The following SLC24A3 variants were observed in gnomAD, a reference collection of about 807,000 sequenced individuals.
SLC24A3 encodes the protein sodium/potassium/calcium exchanger 3.
In SLC24A3, 28 loss-of-function variants were observed where a neutral mutation model predicts 75.8. The ratio of observed to expected loss-of-function variants is 0.37; its 90% confidence interval spans 0.27 to 0.51. SLC24A3 has a LOEUF of 0.51. Ranked by LOEUF, SLC24A3 falls within the 20% of genes least tolerant of loss-of-function variation. SLC24A3 has a pLI of 0.94. For synonymous variants in SLC24A3, 372 were observed against 334.1 expected (o/e 1.11, Z -1.24); for missense variants, 663 against 847.8 (o/e 0.78, Z 2.71).
At chr20:19,418,600 A>C (rs760373993) in intron 2 of SLC24A3, among the ~76,000 whole-genome samples, 3 of 151,946 alleles carry the variant, frequency 2.0e-5, no homozygotes, top group African/African-American at 7.2e-5. Context: ...GAAAATATCC[A>C]GCTCATAAAT....
chr20:19,228,780 G>A (rs1039437966), intron 1 of SLC24A3, among the ~76,000 whole-genome samples: 30 of 152,034 alleles, frequency 2.0e-4, no homozygotes, highest in African/African-American at 7.2e-4. Context: ...TCTTACAAAG[G>A]CATGACATAT....
chr20:19,709,471 A>G (rs554606312), intron 15 of SLC24A3, among the ~76,000 whole-genome samples: 47 of 152,004 alleles, frequency 3.1e-4, no homozygotes, highest in African/African-American at 1.1e-3. Flanking sequence ...AAAACACAAA[A>G]ATTAGCCGAG....
At chr20:19,634,485 TTAA>T (rs1354097706) in intron 6 of SLC24A3, among the ~76,000 whole-genome samples, 2 of 152,234 alleles carry the variant, frequency 1.3e-5, no homozygotes, top group East Asian at 3.9e-4. Flanking sequence ...CATATCAGTT[TTAA>T]TAATAATAAT....
rs1181068793 is a variant in SLC24A3 at position 19,671,640 on chromosome 20, TTTTTTTG to T, written c.714-1954_714-1948del. On this transcript the variant is annotated intron_variant, in intron 8 of 16. Coordinates refer to ENST00000328041, the MANE Select transcript of SLC24A3 (RefSeq NM_020689.4). ...AAAGGACAAAGCCCAGGGTTGGTTTTTTTTTTGTTTTTTTGTTTTTTTGTTTTTTTGT... is the reference window on the plus strand; with the variant it reads ...AAAGGACAAAGCCCAGGGTTGGTTTTTTTTTTTGTTTTTTTGTTTTTTTGT... Among the ~76,000 whole-genome samples the T allele has an allele frequency of 2.4e-3, 246 of 103,678 alleles. 1 individual carries two copies. The highest frequency in any genetic ancestry group is 8.0e-3 in the African/African-American group (201 of 24,990). 68.0% of individuals were successfully genotyped at this position (103,678 alleles called of 152,430 possible). A position where few individuals can be genotyped will look rare whatever the true frequency, so the allele number is the denominator to read the frequency against.
intron 6 of SLC24A3, among the ~76,000 whole-genome samples, chr20:19,628,500 C>T (rs528584149): frequency 6.6e-6 from 1 of 152,260 alleles, no homozygotes; most frequent in East Asian, 1.9e-4. Flanking sequence ...GACTTACCTA[C>T]TATATCCCAT....
intron 1 of SLC24A3, among the ~76,000 whole-genome samples, chr20:19,219,117 G>A (rs1013269955): frequency 5.9e-5 from 9 of 152,150 alleles, no homozygotes; most frequent in African/African-American, 2.2e-4. Context: ...GACCCAAATG[G>A]AAGAAGGTTT....
intron 2 of SLC24A3, among the ~76,000 whole-genome samples, chr20:19,292,026 G>A (rs1983954383): frequency 1.3e-5 from 2 of 152,208 alleles, no homozygotes; most frequent in Non-Finnish European, 2.9e-5. Flanking sequence ...GTAATTGTAG[G>A]TACTTCTGAG....
intron 2 of SLC24A3, among the ~76,000 whole-genome samples, chr20:19,488,445 C>G (rs1988159701): frequency 6.6e-6 from 1 of 152,154 alleles, no homozygotes; most frequent in Non-Finnish European, 1.5e-5. Context: ...TTCTGTTCTC[C>G]CTCAGACCAA....
intron 2 of SLC24A3, among the ~76,000 whole-genome samples, chr20:19,360,042 C>T (rs1985758047): frequency 6.6e-6 from 1 of 152,140 alleles, no homozygotes. Context: ...CAGAGAACAT[C>T]CTCAGGCAGA....
chr20:19,635,775 A>G (rs2031992883), intron 6 of SLC24A3, among the ~76,000 whole-genome samples: 1 of 152,146 alleles, frequency 6.6e-6, no homozygotes, highest in African/African-American at 2.4e-5. Flanking sequence ...GCCTCCTTAC[A>G]TCATGGCAGC....
intron 2 of SLC24A3, among the ~76,000 whole-genome samples, chr20:19,493,623 G>T (rs1988237540): frequency 6.6e-6 from 1 of 152,230 alleles, no homozygotes; most frequent in African/African-American, 2.4e-5. Flanking sequence ...AGATGTCAGG[G>T]GGTGGGTAAG....
intron 6 of SLC24A3, among the ~76,000 whole-genome samples, chr20:19,589,693 A>G (rs548179275): frequency 6.6e-6 from 1 of 152,302 alleles, no homozygotes; most frequent in East Asian, 1.9e-4. Context: ...AATTTTCTCT[A>G]ATGTTAAAAA....
At chr20:19,614,996 G>A (rs904276115) in intron 6 of SLC24A3, among the ~76,000 whole-genome samples, 11 of 152,142 alleles carry the variant, frequency 7.2e-5, no homozygotes, top group African/African-American at 1.4e-4. Flanking sequence ...TGTTAAAGCC[G>A]TAATCTTTTA....
intron 2 of SLC24A3, among the ~76,000 whole-genome samples, chr20:19,393,835 G>A (rs1986405225): frequency 6.6e-6 from 1 of 152,120 alleles, no homozygotes; most frequent in Admixed American, 6.6e-5. Flanking sequence ...TTGTAATAGT[G>A]TTTTTTGAAG....
Position 19,314,794 on chromosome 20 carries a change from A to G in SLC24A3, c.271+33707A>G, listed in dbSNP as rs997678506. ...AAGGAATGTCAGCAAAGCTTGTCAT[A>G]ACACACCTTAGTGGTTACCAGGCCT... is the stretch of plus-strand genomic sequence containing the variant. On this transcript the variant is annotated intron_variant, in intron 2 of 16. Transcript: ENST00000328041. Among the ~76,000 whole-genome samples the G allele has an allele frequency of 6.6e-5, 10 of 152,320 alleles. No individual in the cohort carries two copies. In the East Asian group the frequency reaches 1.9e-3, roughly 29 times the overall value.
chr20:19,324,150 A>G (rs1170646604), intron 2 of SLC24A3, among the ~76,000 whole-genome samples: 2 of 152,160 alleles, frequency 1.3e-5, no homozygotes, highest in Non-Finnish European at 2.9e-5. Flanking sequence ...GCTCTTCCCA[A>G]GCCATTAAAT....
At chr20:19,539,993 C>T (rs756325662) in intron 3 of SLC24A3, among the ~76,000 whole-genome samples, 6 of 152,096 alleles carry the variant, frequency 3.9e-5, no homozygotes, top group Non-Finnish European at 7.4e-5. Flanking sequence ...AGAAAGTGAC[C>T]TTTCGGAATT....
At chr20:19,483,973 G>A (rs140557094) in intron 2 of SLC24A3, among the ~76,000 whole-genome samples, 421 of 152,322 alleles carry the variant, frequency 2.8e-3, no homozygotes, top group Non-Finnish European at 4.3e-3. Context: ...TCCACTTTGA[G>A]ATACGTATCC....
At chr20:19,213,220 A>C in intron 1 of SLC24A3, 1 of 315,018 alleles carries the variant, frequency 3.2e-6, no homozygotes, top group Non-Finnish European at 5.5e-6. Context: ...CCGCCCTGGG[A>C]ACATTTACCT....
Sources: gnomAD v4.1 joint callset for allele counts (sites outside exome capture counted in the v4.1 genomes callset) on GRCh38, gnomAD v4.1.1 for gene constraint, MANE v1.5 for transcripts, NCBI Gene and HGNC (gene_info 2026-07-23, HGNC 2026-07-21) for gene names.